MAF: variants seen among roughly 807,000 people sequenced by gnomAD.
MAF encodes the protein transcription factor Maf.
Under a neutral mutation model 22.0 loss-of-function variants are expected in MAF, and 10 were observed. The observed-to-expected ratio is 0.45, with a 90% confidence interval of 0.28 to 0.77. MAF has a LOEUF of 0.77. MAF is among the 30% of genes least tolerant of loss of function. MAF has a pLI of 0.12. For missense variants in MAF, 544 were observed against 548.4 expected (o/e 0.99, Z 0.08); for synonymous variants, 337 against 255.8 (o/e 1.32, Z -3.03).
the MAF span, among the ~76,000 whole-genome samples, chr16:79,475,043 A>G: frequency 6.6e-6 from 1 of 152,230 alleles, no homozygotes; most frequent in Non-Finnish European, 1.5e-5. Flanking sequence ...GGCAGTGCAC[A>G]CATGGCCTTG....
At chr16:79,303,633 C>T in the MAF span, among the ~76,000 whole-genome samples, 1 of 152,202 alleles carries the variant, frequency 6.6e-6, no homozygotes, top group African/African-American at 2.4e-5. Flanking sequence ...CTTCCACTGG[C>T]ATGGCAAATA....
the MAF span, among the ~76,000 whole-genome samples, chr16:79,576,571 G>A: frequency 4.0e-5 from 6 of 151,804 alleles, no homozygotes; most frequent in African/African-American, 1.2e-4. Flanking sequence ...TCAGAGGAGG[G>A]CAGCTATAAA....
chr16:79,391,266 G>A, the MAF span, among the ~76,000 whole-genome samples: 1 of 152,162 alleles, frequency 6.6e-6, no homozygotes, highest in Non-Finnish European at 1.5e-5. Context: ...TCTCAAGAAT[G>A]CTTGCAGCAT....
chr16:79,376,469 T>C, the MAF span, among the ~76,000 whole-genome samples: 6,500 of 152,242 alleles, frequency 0.043, 269 homozygotes, highest in East Asian at 0.19. Context: ...TCACATGTTT[T>C]TTGTTTTGTT....
chr16:79,506,772 T>C, the MAF span, among the ~76,000 whole-genome samples: 1 of 152,140 alleles, frequency 6.6e-6, no homozygotes, highest in African/African-American at 2.4e-5. Context: ...GAACCAATGA[T>C]GCTGCCACTG....
chr16:79,318,506 G>A, the MAF span, among the ~76,000 whole-genome samples: 1 of 152,144 alleles, frequency 6.6e-6, no homozygotes, highest in Non-Finnish European at 1.5e-5. Flanking sequence ...AGATTCATCA[G>A]CCTGAACCTG....
chr16:79,222,270 T>C, the MAF span, among the ~76,000 whole-genome samples: 36 of 152,310 alleles, frequency 2.4e-4, no homozygotes, highest in African/African-American at 7.9e-4. Context: ...TAAAATTCTT[T>C]ACAGACAAGC....
the MAF span, among the ~76,000 whole-genome samples, chr16:79,398,015 A>T: frequency 6.6e-6 from 1 of 152,206 alleles, no homozygotes; most frequent in South Asian, 2.1e-4. Context: ...CAGAAGTCTG[A>T]CCTGGGTCTC....
At chr16:79,570,904 A>G in the MAF span, among the ~76,000 whole-genome samples, 1 of 152,212 alleles carries the variant, frequency 6.6e-6, no homozygotes, top group Admixed American at 6.5e-5. Context: ...GCCAGCTGGT[A>G]TTGGCACTTA....
chr16:79,407,653 C>A, the MAF span, among the ~76,000 whole-genome samples: 1 of 152,164 alleles, frequency 6.6e-6, no homozygotes, highest in African/African-American at 2.4e-5. Flanking sequence ...AGAAGCACAT[C>A]ATATCACTCA....
At chr16:79,479,736 C>T in the MAF span, among the ~76,000 whole-genome samples, 5 of 152,228 alleles carry the variant, frequency 3.3e-5, no homozygotes, top group African/African-American at 9.6e-5. Context: ...AGGAACCAGA[C>T]TACTACGTGC....
the MAF span, among the ~76,000 whole-genome samples, chr16:79,260,463 C>CTATCCA: frequency 6.9e-6 from 1 of 145,332 alleles, no homozygotes; most frequent in African/African-American, 2.6e-5. Flanking sequence ...ATGTATCTAT[C>CTATCCA]TATCTATATC....
the MAF span, among the ~76,000 whole-genome samples, chr16:79,248,992 G>A: frequency 1.3e-5 from 2 of 152,134 alleles, no homozygotes; most frequent in Non-Finnish European, 2.9e-5. Flanking sequence ...CCCCTGCTGT[G>A]ATTTAAGTTT....
chr16:79,263,987 T>C, the MAF span, among the ~76,000 whole-genome samples: 286 of 152,286 alleles, frequency 1.9e-3, 2 homozygotes, highest in Middle Eastern at 0.014. Flanking sequence ...AGATGTAAGC[T>C]TTCCTGTGGC....
downstream of MAF, among the ~76,000 whole-genome samples, chr16:79,582,560 G>T (rs1039093223): frequency 2.0e-5 from 3 of 152,162 alleles, no homozygotes; most frequent in Non-Finnish European, 2.9e-5. Flanking sequence ...GCTCAGTAGT[G>T]GGCCAGTGCC....
At chr16:79,339,322 G>C in the MAF span, among the ~76,000 whole-genome samples, 1 of 152,210 alleles carries the variant, frequency 6.6e-6, no homozygotes, top group Non-Finnish European at 1.5e-5. Flanking sequence ...GCCTCCCAGA[G>C]TGCTGGGATT....
the MAF span, among the ~76,000 whole-genome samples, chr16:79,279,279 T>A: frequency 1.3e-5 from 2 of 152,172 alleles, no homozygotes; most frequent in Non-Finnish European, 2.9e-5. Flanking sequence ...TGGGTCACTG[T>A]GACCTCCTTG....
chr16:79,270,960 GTGCAATCTTGGCTCAC>G, the MAF span, among the ~76,000 whole-genome samples: 1 of 150,858 alleles, frequency 6.6e-6, no homozygotes, highest in Non-Finnish European at 1.5e-5. Flanking sequence ...GAGTGCACTG[GTGCAATCTTGGCTCAC>G]TGCAATCTCC....
chr16:79,381,459 G>C, the MAF span, among the ~76,000 whole-genome samples: 5 of 152,326 alleles, frequency 3.3e-5, no homozygotes, highest in East Asian at 7.7e-4. Flanking sequence ...GAACTCTAGA[G>C]AGAAGCGACT....
Sources: allele counts gnomAD v4.1 joint callset (sites outside exome capture counted in the v4.1 genomes callset), GRCh38; gene constraint gnomAD v4.1.1; transcripts MANE v1.5; gene names NCBI Gene and HGNC (gene_info 2026-07-23, HGNC 2026-07-21).